TBC1D12: variants seen among roughly 807,000 people sequenced by gnomAD.
TBC1D12 encodes TBC1 domain family member 12.
Under a neutral mutation model 86.7 loss-of-function variants are expected in TBC1D12, and 56 were observed. The observed-to-expected ratio is 0.65, with a 90% confidence interval of 0.52 to 0.81. TBC1D12 has a LOEUF of 0.81. Ranked by LOEUF, TBC1D12 falls within the 30% of genes least tolerant of loss-of-function variation. The pLI is 0.00. For missense variants in TBC1D12, 1,023 were observed against 1,038.8 expected (o/e 0.98, Z 0.21); for synonymous variants, 421 against 411.7 (o/e 1.02, Z -0.27).
intron 1 of TBC1D12, among the ~76,000 whole-genome samples, chr10:94,416,813 A>G (rs754133926): frequency 6.6e-6 from 1 of 152,180 alleles, no homozygotes; most frequent in South Asian, 2.1e-4. Flanking sequence ...TTAGTATTTT[A>G]CTAAAGAAGA....
intron 6 of TBC1D12, among the ~76,000 whole-genome samples, chr10:94,504,748 T>C (rs990665311): frequency 3.3e-5 from 5 of 152,218 alleles, no homozygotes; most frequent in African/African-American, 4.8e-5. Context: ...GAAAGGAGTG[T>C]TCTAACAGTT....
In TBC1D12 at chr10:94,416,255, T is replaced by C. The variant is rs180932612; in HGVS notation, c.971+12671T>C. ...GTCAACAAAGCAAAGCACCAGCAAC[T>C]ACCATACAGCTAAGTGTGTGCTTTT... On this transcript the variant is annotated intron_variant, in intron 1 of 12. Coordinates refer to ENST00000225235, the MANE Select transcript of TBC1D12 (RefSeq NM_015188.2). Among the ~76,000 whole-genome samples the C allele has an allele frequency of 6.3e-3, 961 of 152,352 alleles. 6 individuals carry two copies. The highest frequency in any genetic ancestry group is 0.011 in the Non-Finnish European group (731 of 68,028).
At chr10:94,512,606 A>T (rs1384194180) in intron 9 of TBC1D12, among the ~76,000 whole-genome samples, 1 of 152,248 alleles carries the variant, frequency 6.6e-6, no homozygotes, top group Non-Finnish European at 1.5e-5. Context: ...ACAGTTTAGA[A>T]GAAAGAAACA....
At chr10:94,423,780 G>A (rs1329868191) in intron 1 of TBC1D12, among the ~76,000 whole-genome samples, 1 of 152,002 alleles carries the variant, frequency 6.6e-6, no homozygotes, top group Non-Finnish European at 1.5e-5. Flanking sequence ...TCTGACTGAG[G>A]GCCCGGATCA....
chr10:94,506,217 T>C (rs2056459051), intron 6 of TBC1D12, among the ~76,000 whole-genome samples: 1 of 152,052 alleles, frequency 6.6e-6, no homozygotes, highest in Admixed American at 6.6e-5. Context: ...TTTTGTATTT[T>C]TAGTAGAGAC....
intron 5 of TBC1D12, 22 bp downstream of exon 5, chr10:94,497,194 A>G: frequency 7.3e-7 from 1 of 1,378,364 alleles, no homozygotes; most frequent in Non-Finnish European, 9.8e-7. Flanking sequence ...GACTTTTCCT[A>G]AATTCCCATT....
At chr10:94,512,948 C>G (rs1046963966) in intron 9 of TBC1D12, among the ~76,000 whole-genome samples, 1 of 152,062 alleles carries the variant, frequency 6.6e-6, no homozygotes, top group East Asian at 1.9e-4. Context: ...TTATAGTTTT[C>G]TAAAAATGTC....
chr10:94,516,884 C>T (rs942769107), intron 9 of TBC1D12, among the ~76,000 whole-genome samples: 1 of 151,948 alleles, frequency 6.6e-6, no homozygotes, highest in East Asian at 2.0e-4. Context: ...ATATCTATTA[C>T]TGACATTTTA....
chr10:94,531,862 A>ATATGTTATGTTATGTTATGT (rs71031585), intron 12 of TBC1D12, among the ~76,000 whole-genome samples: 948 of 83,262 alleles, frequency 0.011, 21 homozygotes, highest in African/African-American at 0.019. Flanking sequence ...ATTTTATTTT[A>ATATGTTATGTTATGTTATGT]TATGTTATGT....
chr10:94,493,746 G>A lies in TBC1D12; in HGVS notation c.1294+299G>A, dbSNP rs537235390. ...TTTTTGTATTGTTTGTAGAGATGAG[G>A]TTTTACCATGTTGCCCATGCTTTTA... On this transcript the variant is annotated intron_variant, in intron 4 of 12. Coordinates refer to ENST00000225235, the MANE Select transcript of TBC1D12 (RefSeq NM_015188.2). Among the ~76,000 whole-genome samples the A allele has an allele frequency of 2.0e-5, 3 of 151,568 alleles. No homozygotes were observed. The South Asian group carries it at 6.3e-4, about 32-fold the overall frequency.
chr10:94,531,914 A>ATGTTATT (rs1341164453), intron 12 of TBC1D12, among the ~76,000 whole-genome samples: 1 of 150,864 alleles, frequency 6.6e-6, no homozygotes, highest in Non-Finnish European at 1.5e-5. Flanking sequence ...ATGTTATTTT[A>ATGTTATT]TTGTCACCCA....
intron 1 of TBC1D12, among the ~76,000 whole-genome samples, chr10:94,438,823 A>G (rs1028712936): frequency 1.2e-4 from 18 of 150,972 alleles, no homozygotes; most frequent in African/African-American, 3.4e-4. Context: ...ACTTTTTTTG[A>G]GACAGAGTCT....
At chr10:94,435,167 G>A (rs1168846032) in intron 1 of TBC1D12, among the ~76,000 whole-genome samples, 2 of 152,138 alleles carry the variant, frequency 1.3e-5, no homozygotes, top group Admixed American at 1.3e-4. Flanking sequence ...CCTGAATGTT[G>A]TTATATATGT....
chr10:94,454,129 T>G lies in TBC1D12; in HGVS notation c.1095+12110T>G, dbSNP rs114672862. Among the ~76,000 whole-genome samples, 456 of 152,308 alleles carry G rather than the reference T, an allele frequency of 3.0e-3. 3 individuals carry two copies. The highest frequency in any genetic ancestry group is 0.01 in the African/African-American group (430 of 41,562). On this transcript the variant is annotated intron_variant, in intron 2 of 12. Transcript: ENST00000225235. ...TCTCTCCATGTAACTTTAGACTCAG[T>G]TTATCATTCCCAAAATAATTTGCTG...
intron 6 of TBC1D12, among the ~76,000 whole-genome samples, chr10:94,502,268 G>T (rs1323619927): frequency 6.6e-6 from 1 of 151,974 alleles, no homozygotes; most frequent in Non-Finnish European, 1.5e-5. Flanking sequence ...GGAGGCGAAG[G>T]TTGCAGTGAG....
Position 94,403,274 on chromosome 10 carries a change from G to T in TBC1D12, c.661G>T (p.Asp221Tyr). 1.3e-6 allele frequency: 2 copies of T among 1,501,532 alleles called. No individual in the cohort carries two copies. Among genetic ancestry groups the T allele is most frequent in the African/African-American group, 1.5e-5 (1 of 68,632 alleles). The allele number at this position is 1,501,532 out of a possible 1,614,324, so 93.0% of individuals were successfully genotyped here. ...EPEGAGSDSG[D>Y]SPASSCSSSE... ...CGAGGGCGCGGGCAGCGACTCGGGGGACAGCCCCGCCAGCAGCTGCAGCAG... is the reference window on the plus strand; with the variant it reads ...CGAGGGCGCGGGCAGCGACTCGGGGTACAGCCCCGCCAGCAGCTGCAGCAG... The change falls in exon 1 of 13, where the codon GAC becomes TAC. Residue 221 changes from aspartate to tyrosine, a missense_variant. Physicochemically the swap from Asp to Tyr is radical, Grantham distance 160. Transcript: ENST00000225235.
chr10:94,486,247 A>C (rs2056162080), intron 3 of TBC1D12, among the ~76,000 whole-genome samples: 1 of 147,472 alleles, frequency 6.8e-6, no homozygotes, highest in South Asian at 2.1e-4. Context: ...TCCTAGGCTT[A>C]GGCCATCTTC....
rs1486557670 is a variant in TBC1D12, at chr10:94,403,015, C to G, written c.402C>G (p.Thr134=). The part of the protein sequence containing the change: ...DGRAPRHEGM[T]NGDSGFLPGR... ...GCGCGCCGCGGCACGAAGGCATGACCAACGGCGACTCGGGTTTTCTGCCGG... is the reference window on the plus strand; with the variant it reads ...GCGCGCCGCGGCACGAAGGCATGACGAACGGCGACTCGGGTTTTCTGCCGG... Residue 134 remains threonine (T), a synonymous_variant, in exon 1 of 13, where the codon ACC becomes ACG. Transcript: ENST00000225235. 10 of 1,573,718 alleles carry G rather than the reference C, an allele frequency of 6.4e-6. No homozygotes were observed. The highest frequency in any genetic ancestry group is 8.6e-6 in the Non-Finnish European group (10 of 1,164,150).
chr10:94,418,113 C>T lies in TBC1D12; in HGVS notation c.971+14529C>T, dbSNP rs924152007. 9.9e-5 allele frequency among the ~76,000 whole-genome samples: 15 copies of T among 152,084 alleles called. 1 individual carries two copies. The highest frequency in any genetic ancestry group is 3.6e-4 in the African/African-American group (15 of 41,416). ...CAGAGACAGAGACCATGTTCTTGTTCATTTTTTTACCTCTGTGTAGAGATA... is the reference window on the plus strand; with the variant it reads ...CAGAGACAGAGACCATGTTCTTGTTTATTTTTTTACCTCTGTGTAGAGATA... On this transcript the variant is annotated intron_variant, in intron 1 of 12. Coordinates refer to ENST00000225235, the MANE Select transcript of TBC1D12 (RefSeq NM_015188.2).
Sources: gnomAD v4.1 joint callset for allele counts (sites outside exome capture counted in the v4.1 genomes callset) on GRCh38, gnomAD v4.1.1 for gene constraint, MANE v1.5 for transcripts, NCBI Gene and HGNC (gene_info 2026-07-23, HGNC 2026-07-21) for gene names.